Variants in SLC44A1 observed in about 807,000 individuals in gnomAD.
SLC44A1 encodes the protein solute carrier family 44 member 1.
In SLC44A1, 26 loss-of-function variants were observed where a neutral mutation model predicts 79.3. That is an observed-to-expected ratio of 0.33 (90% CI 0.24 to 0.46). The LOEUF (loss-of-function observed/expected upper bound fraction) is 0.46, where lower values mean the gene tolerates loss of function less well. Among genes scored for constraint, SLC44A1 ranks in the 20% least tolerant of loss-of-function variants. The probability of loss-of-function intolerance (pLI) is 1.00; values close to 1 mark genes in which losing one functional copy is unlikely to be tolerated. For synonymous variants in SLC44A1, 263 were observed against 286.2 expected (o/e 0.92, Z 0.82); for missense variants, 688 against 798.1 (o/e 0.86, Z 1.66).
Position 105,394,301 on chromosome 9 carries a change from G to A in SLC44A1, c.*5245G>A. 1.0e-6 allele frequency: 1 copy of A among 985,304 alleles called. No individual in the cohort carries two copies. The highest frequency in any genetic ancestry group is 1.2e-6 in the Non-Finnish European group (1 of 829,888). 61.0% of individuals were successfully genotyped at this position (985,304 alleles called of 1,614,324 possible). On this transcript the variant is annotated 3_prime_UTR_variant, in exon 16 of 16. Coordinates refer to ENST00000374720, the MANE Select transcript of SLC44A1 (RefSeq NM_080546.5). ...CATTTTTATAACTTAAAGACTTTAT[G>A]TAATTTAGTAGCAGGTTAGGGAATA... is the stretch of plus-strand genomic sequence containing the variant.
intron 1 of SLC44A1, among the ~76,000 whole-genome samples, chr9:105,263,624 C>T (rs1054392554): frequency 1.3e-5 from 2 of 151,774 alleles, no homozygotes; most frequent in African/African-American, 4.8e-5. Context: ...CAACGTCCAC[C>T]TCCCGGGTTC....
At chr9:105,306,321 T>G (rs1220549064) in intron 2 of SLC44A1, among the ~76,000 whole-genome samples, 1 of 152,140 alleles carries the variant, frequency 6.6e-6, no homozygotes. Flanking sequence ...AATTATGGAG[T>G]GTATTCTGTA....
chr9:105,297,053 C>A (rs1037534164), intron 1 of SLC44A1, among the ~76,000 whole-genome samples: 6 of 152,180 alleles, frequency 3.9e-5, no homozygotes, highest in Admixed American at 2.0e-4. Flanking sequence ...GGGAAAAAAA[C>A]TGCCTACTCA....
intron 15 of SLC44A1, among the ~76,000 whole-genome samples, chr9:105,427,933 T>C (rs1829344376): frequency 6.6e-6 from 1 of 152,200 alleles, no homozygotes; most frequent in Non-Finnish European, 1.5e-5. Flanking sequence ...GTCCTTTATG[T>C]TTCCTCTTCC....
At chr9:105,423,663 C>G (rs770453068) in intron 15 of SLC44A1, among the ~76,000 whole-genome samples, 7 of 152,170 alleles carry the variant, frequency 4.6e-5, no homozygotes, top group Admixed American at 1.3e-4. Flanking sequence ...ACCGCTTCTT[C>G]CTCTAACCTT....
At chr9:105,349,585 C>A (rs1368279040) in intron 5 of SLC44A1, among the ~76,000 whole-genome samples, 3 of 152,090 alleles carry the variant, frequency 2.0e-5, no homozygotes, top group Admixed American at 2.0e-4. Flanking sequence ...CTTAAACCAA[C>A]AGCTACGGAG....
At chr9:105,250,429 T>C (rs1829557489) in intron 1 of SLC44A1, among the ~76,000 whole-genome samples, 1 of 152,220 alleles carries the variant, frequency 6.6e-6, no homozygotes, top group Non-Finnish European at 1.5e-5. Context: ...TTCATAAAAA[T>C]ATATTCTACT....
At chr9:105,269,470 A>G (rs1375713183) in intron 1 of SLC44A1, among the ~76,000 whole-genome samples, 1 of 152,184 alleles carries the variant, frequency 6.6e-6, no homozygotes, top group Non-Finnish European at 1.5e-5. Flanking sequence ...ATTCAGGTAT[A>G]TCATGTATTT....
At chr9:105,339,183 C>T (rs1220390679) in intron 4 of SLC44A1, among the ~76,000 whole-genome samples, 2 of 151,956 alleles carry the variant, frequency 1.3e-5, no homozygotes, top group African/African-American at 2.4e-5. Flanking sequence ...ATTTATAAAT[C>T]AGATATCTGG....
At chr9:105,410,932 A>G (rs1046581070) in intron 15 of SLC44A1, among the ~76,000 whole-genome samples, 1 of 152,228 alleles carries the variant, frequency 6.6e-6, no homozygotes, top group Non-Finnish European at 1.5e-5. Context: ...AAAGCCAGAC[A>G]CAAATGGCCA....
At chr9:105,251,707 A>G (rs1190037602) in intron 1 of SLC44A1, among the ~76,000 whole-genome samples, 3 of 152,108 alleles carry the variant, frequency 2.0e-5, no homozygotes, top group Non-Finnish European at 2.9e-5. Flanking sequence ...GGGCTTTTGC[A>G]TATGTGGTTC....
At chr9:105,290,783 C>T (rs955140706) in intron 1 of SLC44A1, among the ~76,000 whole-genome samples, 1 of 152,182 alleles carries the variant, frequency 6.6e-6, no homozygotes, top group African/African-American at 2.4e-5. Context: ...TTGCCATTTC[C>T]CCCTTTCTCC....
At chr9:105,372,351 C>T (rs908157970) in intron 12 of SLC44A1, among the ~76,000 whole-genome samples, 4 of 152,098 alleles carry the variant, frequency 2.6e-5, no homozygotes, top group South Asian at 2.1e-4. Context: ...TGCAGTGGCA[C>T]GATCTCAGCT....
In SLC44A1 at chr9:105,392,125, T is replaced by C. The variant is rs184093718; in HGVS notation, c.*3069T>C. On this transcript the variant is annotated 3_prime_UTR_variant, in exon 16 of 16. Transcript: ENST00000374720. Reference sequence around the variant, plus strand: ...AGTAATAAAACATTAGCAATTTAGCTAGAGCACTGAGATTGTATAATCCTT... The same window carrying C: ...AGTAATAAAACATTAGCAATTTAGCCAGAGCACTGAGATTGTATAATCCTT... The C allele has an allele frequency of 9.4e-5, 93 of 985,456 alleles. No individual in the cohort carries two copies. The East Asian group carries it at 8.2e-3, about 86-fold the overall frequency. The allele number at this position is 985,456 out of a possible 1,614,324, so 61.0% of individuals were successfully genotyped here.
chr9:105,286,359 G>T (rs1202838577), intron 1 of SLC44A1, among the ~76,000 whole-genome samples: 1 of 152,090 alleles, frequency 6.6e-6, no homozygotes, highest in Non-Finnish European at 1.5e-5. Context: ...AACCCCCTTT[G>T]TCTCAGTTTC....
In SLC44A1 at chr9:105,270,111, C is replaced by T. The variant is rs373564033; in HGVS notation, c.36+25207C>T. Among the ~76,000 whole-genome samples the T allele has an allele frequency of 1.2e-4, 18 of 152,256 alleles. No individual in the cohort carries two copies. In the East Asian group the frequency reaches 2.7e-3, roughly 23 times the overall value. ...TCCCAGTACCTGCTAATGTCCCAAG[C>T]GTCGTGCTGGGCTTTGGAGAGATCA... On this transcript the variant is annotated intron_variant, in intron 1 of 15. Transcript: ENST00000374720.
At chr9:105,323,631 C>A (rs1374215612) in intron 3 of SLC44A1, among the ~76,000 whole-genome samples, 1 of 152,184 alleles carries the variant, frequency 6.6e-6, no homozygotes, top group Admixed American at 6.5e-5. Context: ...GTTACTTAAT[C>A]AAGGCTTCGT....
At chr9:105,420,037 AGCAAGTGCCTAT>A (rs1385492330) in intron 15 of SLC44A1, among the ~76,000 whole-genome samples, 1 of 152,082 alleles carries the variant, frequency 6.6e-6, no homozygotes, top group East Asian at 1.9e-4. Context: ...CTTCTGGAAC[AGCAAGTGCCTAT>A]GCCGTTCAGC....
chr9:105,255,672 T>C (rs962665384), intron 1 of SLC44A1, among the ~76,000 whole-genome samples: 3 of 152,184 alleles, frequency 2.0e-5, no homozygotes, highest in Admixed American at 2.0e-4. Context: ...CTATTTCTTC[T>C]CTAAACAGCT....
Sources: gnomAD v4.1 joint callset for allele counts (sites outside exome capture counted in the v4.1 genomes callset) on GRCh38, gnomAD v4.1.1 for gene constraint, MANE v1.5 for transcripts, NCBI Gene and HGNC (gene_info 2026-07-23, HGNC 2026-07-21) for gene names.